TBC1D22A: variants seen among roughly 807,000 people sequenced by gnomAD.
The protein encoded by TBC1D22A is TBC1 domain family member 22A.
Under a neutral mutation model 60.2 loss-of-function variants are expected in TBC1D22A, and 38 were observed. That is an observed-to-expected ratio of 0.63 (90% CI 0.49 to 0.83). The LOEUF (loss-of-function observed/expected upper bound fraction) is 0.83, where lower values mean the gene tolerates loss of function less well. Ranked by LOEUF, TBC1D22A falls within the 40% of genes least tolerant of loss-of-function variation. The probability of loss-of-function intolerance (pLI) is 0.00; values close to 1 mark genes in which losing one functional copy is unlikely to be tolerated. For synonymous variants in TBC1D22A, 302 were observed against 281.7 expected, an observed-to-expected ratio of 1.07 and a Z score of -0.72; for missense variants, 628 against 701.0, an observed-to-expected ratio of 0.90 and a Z score of 1.18.
rs536839833 is a variant in TBC1D22A at position 47,173,602 on chromosome 22, C to T, written c.1530C>T (p.Asp510=). 3.1e-5 allele frequency: 50 copies of T among 1,614,048 alleles called. No individual in the cohort carries two copies. In the South Asian group the frequency reaches 3.8e-4, roughly 12 times the overall value. Residue 510 remains aspartate (D), a synonymous_variant, in exon 13 of 13, where the codon GAC becomes GAT. Coordinates refer to ENST00000337137, the MANE Select transcript of TBC1D22A (RefSeq NM_014346.5). ...EAYRLKFAFA[D]APNHYKK ...ACCGCCTCAAGTTTGCTTTTGCCGA[C>T]GCCCCCAATCACTACAAGAAATGAG...
intron 8 of TBC1D22A, among the ~76,000 whole-genome samples, chr22:46,971,478 G>C (rs2074056675): frequency 6.6e-6 from 1 of 152,216 alleles, no homozygotes; most frequent in Admixed American, 6.5e-5. Flanking sequence ...TCAGTTCCCT[G>C]AGAAGAGGAA....
At chr22:46,862,025 A>T (rs551724454) in intron 4 of TBC1D22A, among the ~76,000 whole-genome samples, 1 of 152,324 alleles carries the variant, frequency 6.6e-6, no homozygotes, top group Admixed American at 6.5e-5. Flanking sequence ...TTGTGGCTTC[A>T]GGAGGGACTG....
Position 47,009,700 on chromosome 22 carries a change from C to A in TBC1D22A, c.1201+11991C>A, listed in dbSNP as rs1031147165. 6.6e-6 allele frequency among the ~76,000 whole-genome samples: 1 copy of A among 152,224 alleles called. No individual in the cohort carries two copies. The highest frequency in any genetic ancestry group is 1.5e-5 in the Non-Finnish European group (1 of 68,030). The stretch of plus-strand genomic sequence containing the variant: ...ACCAGCATCATTTCATCACCATCAC[C>A]ACCACCATCATCATCACTATCACCA... On this transcript the variant is annotated intron_variant, in intron 10 of 12. Coordinates refer to ENST00000337137, the MANE Select transcript of TBC1D22A (RefSeq NM_014346.5). This position sits in a 1 kb window ranked among gnomAD's most constrained non-coding sequence, Gnocchi z 5.8.
chr22:46,960,283 C>T (rs772789396), intron 8 of TBC1D22A, among the ~76,000 whole-genome samples: 8 of 150,424 alleles, frequency 5.3e-5, no homozygotes, highest in Admixed American at 2.0e-4. Context: ...TTTTTTGAGA[C>T]GGAGTTTTTG....
intron 4 of TBC1D22A, among the ~76,000 whole-genome samples, chr22:46,806,003 C>G (rs899076484): frequency 4.9e-5 from 5 of 102,270 alleles, no homozygotes; most frequent in African/African-American, 1.8e-4. Context: ...CAGGCACCCA[C>G]CACCACACCC....
chr22:47,029,720 A>G (rs2062399136), intron 10 of TBC1D22A, among the ~76,000 whole-genome samples: 1 of 152,236 alleles, frequency 6.6e-6, no homozygotes, highest in African/African-American at 2.4e-5. Flanking sequence ...GTGCCGGGAA[A>G]GTGGAGCTGT....
chr22:47,086,476 A>C (rs114408461), intron 11 of TBC1D22A, among the ~76,000 whole-genome samples: 4 of 152,160 alleles, frequency 2.6e-5, no homozygotes, highest in African/African-American at 9.7e-5. Context: ...ACAAACAAAC[A>C]AACTAAAAAC....
chr22:46,824,325 G>A (rs970928246), intron 4 of TBC1D22A, among the ~76,000 whole-genome samples: 3 of 152,156 alleles, frequency 2.0e-5, no homozygotes, highest in African/African-American at 7.2e-5. Flanking sequence ...ACAGTGAAGC[G>A]TAGACCCAAA....
intron 11 of TBC1D22A, among the ~76,000 whole-genome samples, chr22:47,075,048 C>T (rs1376424520): frequency 6.6e-6 from 1 of 152,030 alleles, no homozygotes; most frequent in Non-Finnish European, 1.5e-5. Context: ...ACAGTGAAAC[C>T]CTGTCTCTAC....
At chr22:47,099,595 G>A (rs2065329280) in intron 11 of TBC1D22A, among the ~76,000 whole-genome samples, 1 of 152,066 alleles carries the variant, frequency 6.6e-6, no homozygotes. Flanking sequence ...ACAGGCATGT[G>A]CCACCACACC....
intron 5 of TBC1D22A, among the ~76,000 whole-genome samples, chr22:46,883,730 C>T (rs1246100397): frequency 6.6e-6 from 1 of 152,226 alleles, no homozygotes; most frequent in Non-Finnish European, 1.5e-5. Context: ...GGCTGGGCCC[C>T]TTCACTGGCA....
intron 10 of TBC1D22A, among the ~76,000 whole-genome samples, chr22:46,999,313 G>T (rs960922781): frequency 1.4e-4 from 22 of 152,186 alleles, no homozygotes; most frequent in African/African-American, 5.3e-4. Context: ...TTTATTTTCA[G>T]CGCAGTCTCT....
chr22:47,123,025 T>C (rs890380320), intron 12 of TBC1D22A, among the ~76,000 whole-genome samples: 3 of 152,202 alleles, frequency 2.0e-5, no homozygotes, highest in African/African-American at 7.2e-5. Context: ...CATGGAGATT[T>C]ATCATTTCTA....
chr22:46,901,792 T>G (rs1315990424), intron 7 of TBC1D22A, among the ~76,000 whole-genome samples: 2 of 152,220 alleles, frequency 1.3e-5, no homozygotes, highest in Non-Finnish European at 2.9e-5. Flanking sequence ...TGCTTCTGGA[T>G]TTTGAGGGCT....
intron 11 of TBC1D22A, among the ~76,000 whole-genome samples, chr22:47,107,740 G>C (rs1209386723): frequency 2.0e-5 from 3 of 152,222 alleles, no homozygotes; most frequent in Non-Finnish European, 4.4e-5. Flanking sequence ...GGAATAGCCA[G>C]AGCAGCCTTG....
chr22:47,157,662 G>T (rs966220987), intron 12 of TBC1D22A, among the ~76,000 whole-genome samples: 25 of 152,332 alleles, frequency 1.6e-4, no homozygotes, highest in African/African-American at 5.3e-4. Context: ...GCCCTTTCCG[G>T]TTCTGGTTCC....
chr22:46,869,734 G>T (rs533844545), intron 4 of TBC1D22A, among the ~76,000 whole-genome samples: 1 of 152,260 alleles, frequency 6.6e-6, no homozygotes, highest in East Asian at 1.9e-4. Context: ...TCTTACTATT[G>T]TTCAGTGTTT....
At chr22:46,987,107 A>G (rs1182250149) in intron 9 of TBC1D22A, among the ~76,000 whole-genome samples, 1 of 152,180 alleles carries the variant, frequency 6.6e-6, no homozygotes, top group Non-Finnish European at 1.5e-5. Context: ...GTCCTCAAAC[A>G]AGGTGGAAGC....
intron 4 of TBC1D22A, among the ~76,000 whole-genome samples, chr22:46,818,041 G>A (rs1046615827): frequency 2.0e-5 from 3 of 152,206 alleles, no homozygotes; most frequent in East Asian, 1.9e-4. Flanking sequence ...TTTCTTGGCC[G>A]CATAAATGTC....
Sources: allele counts gnomAD v4.1 joint callset (sites outside exome capture counted in the v4.1 genomes callset), GRCh38; gene constraint gnomAD v4.1.1; non-coding constraint Gnocchi (gnomAD v3.1); transcripts MANE v1.5; gene names NCBI Gene and HGNC (gene_info 2026-07-23, HGNC 2026-07-21).